Variants in FMNL1 observed in about 807,000 individuals in gnomAD.
The protein encoded by FMNL1 is formin-like protein 1.
In FMNL1, 43 loss-of-function variants were observed where a neutral mutation model predicts 121.3. That is an observed-to-expected ratio of 0.35 (90% CI 0.28 to 0.46). FMNL1 has a LOEUF of 0.46. Ranked by LOEUF, FMNL1 falls within the 20% of genes least tolerant of loss-of-function variation. The pLI is 1.00. For synonymous variants in FMNL1, 613 were observed against 613.5 expected, an observed-to-expected ratio of 1.00 and a Z score of 0.01; for missense variants, 1,191 against 1,482.4, an observed-to-expected ratio of 0.80 and a Z score of 3.23.
chr17:45,243,075 C>A, intron 16 of FMNL1, 43 bp from the exon 17 acceptor site: 1 of 1,605,828 alleles, frequency 6.2e-7, no homozygotes, highest in Non-Finnish European at 8.5e-7. Flanking sequence ...GAGTGCCAGA[C>A]CCCAGCCCCA....
intron 12 of FMNL1, chr17:45,240,928 C>A: frequency 1.4e-6 from 1 of 721,096 alleles, no homozygotes. Flanking sequence ...CTCCCTCCAC[C>A]TCCCGCATCA....
chr17:45,232,920 C>CT, intron 3 of FMNL1: 1 of 564,832 alleles, frequency 1.8e-6, no homozygotes, highest in Non-Finnish European at 3.4e-6. Context: ...TATGGATGTT[C>CT]ATGTGCTGTG....
At chr17:45,222,542 C>T (rs1001372925) in intron 1 of FMNL1, among the ~76,000 whole-genome samples, 16 of 152,094 alleles carry the variant, frequency 1.1e-4, no homozygotes, top group Admixed American at 3.9e-4. Context: ...AAGTTGGGAG[C>T]GGGGCACGCA....
intron 20 of FMNL1, 32 bp downstream of exon 20, chr17:45,244,931 G>A (rs2043794632): frequency 1.9e-6 from 3 of 1,612,702 alleles, no homozygotes; most frequent in Non-Finnish European, 8.5e-7. Flanking sequence ...GGGGACTGGG[G>A]CTGGGGACTG....
rs750316481 is a variant in FMNL1 at position 45,242,143 on chromosome 17, C to G, written c.1882C>G (p.Pro628Ala). 3.2e-6 allele frequency: 5 copies of G among 1,540,506 alleles called. No individual in the cohort carries two copies. The African/African-American group carries it at 6.9e-5, about 21-fold the overall frequency. ...ALGRRDSELG[P>A]GVKAKKPIQT... ...AGGAAGACGCGACTCAGAATTGGGC[C>G]CAGGTGAGTGGAGTGGACCACCTTG... Residue 628 changes from proline (P) to alanine (A), a missense_variant, in exon 15 of 27, where the codon CCA becomes GCA. This residue lies in a region of FMNL1 where 519 missense variants were observed against 492.8 expected (regional missense o/e 1.05). Coordinates refer to ENST00000331495, the MANE Select transcript of FMNL1 (RefSeq NM_005892.4).
chr17:45,232,534 G>C, intron 3 of FMNL1, 54 bp downstream of exon 3: 1 of 1,549,256 alleles, frequency 6.5e-7, no homozygotes, highest in Admixed American at 1.7e-5. Flanking sequence ...TCCAAGCTCT[G>C]GGCAGCTGGA....
chr17:45,232,789 C>T (rs547296580), intron 3 of FMNL1: 12 of 578,072 alleles, frequency 2.1e-5, no homozygotes, highest in South Asian at 2.0e-4. Context: ...TGTACTTTGT[C>T]CACTTATGGA....
In FMNL1 at chr17:45,240,789, A is replaced by G. The variant is rs1302738043; in HGVS notation, c.1230+164A>G. 2.9e-6 allele frequency: 3 copies of G among 1,037,162 alleles called. No homozygotes were observed. The African/African-American group carries it at 4.8e-5, about 17-fold the overall frequency. 64.2% of individuals were successfully genotyped at this position (1,037,162 alleles called of 1,614,324 possible). On this transcript the variant is annotated intron_variant, in intron 12 of 26. Coordinates refer to ENST00000331495, the MANE Select transcript of FMNL1 (RefSeq NM_005892.4). ...AGCCTGGCCTGAATCCAAAGCCTGA[A>G]TCTGTTGGGTGTCTTTCTCAATGAG...
At chr17:45,244,722 G>A (rs1435903361) in intron 19 of FMNL1, 97 bp from the exon 20 acceptor site, 4 of 1,289,512 alleles carry the variant, frequency 3.1e-6, no homozygotes, top group Non-Finnish European at 4.3e-6. Context: ...AGTGTGTGGG[G>A]CCTGCTCCTT....
At position 45,232,473 on chromosome 17, in the gene FMNL1, A is replaced by G. The variant is rs2043459216; in HGVS notation, c.320A>G (p.Asn107Ser). The G allele has an allele frequency of 2.5e-6, 4 of 1,613,806 alleles. No homozygotes were observed. The highest frequency in any genetic ancestry group is 1.3e-5 in the African/African-American group (1 of 74,880). Reference protein sequence around the residue: ...SRKVAADWMSNLGFKRRVQES... With the variant: ...SRKVAADWMSSLGFKRRVQES... ...AAGGTAGCAGCTGATTGGATGTCCA[A>G]CCTGGGGGTACATGTCTCCCCTCTT... Residue 107 changes from asparagine (N) to serine (S), a missense_variant, in exon 3 of 27, where the codon AAC (asparagine) becomes AGC (serine). By Grantham distance (46) the Asn-to-Ser change is conservative. Transcript: ENST00000331495.
intron 6 of FMNL1, among the ~76,000 whole-genome samples, 164 bp from the exon 7 acceptor site, chr17:45,235,972 T>C (rs1288224747): frequency 1.3e-5 from 2 of 152,188 alleles, no homozygotes; most frequent in Non-Finnish European, 2.9e-5. Flanking sequence ...GTCTAAGGAC[T>C]GAGGAAGCCT....
chr17:45,230,610 A>C lies in FMNL1; in HGVS notation c.136A>C (p.Met46Leu), dbSNP rs2043418491. ...EERFNRALNC[M>L]NLPPDKVQLL... is the part of the protein sequence containing the mutation. Reference sequence around the variant, plus strand: ...TTGTCCTCCCTGTCCCCAGAACTGCATGAACTTGCCCCCAGACAAGGTCCA... The same window carrying C: ...TTGTCCTCCCTGTCCCCAGAACTGCCTGAACTTGCCCCCAGACAAGGTCCA... The change falls in exon 2 of 27, where the codon ATG becomes CTG. Residue 46 changes from methionine to leucine, a missense_variant. Coordinates refer to ENST00000331495, the MANE Select transcript of FMNL1 (RefSeq NM_005892.4). 1 of 1,613,642 alleles carries C rather than the reference A, an allele frequency of 6.2e-7. No homozygotes were observed. The highest frequency in any genetic ancestry group is 8.5e-7 in the Non-Finnish European group (1 of 1,179,824).
Position 45,241,603 on chromosome 17 carries a change from T to G in FMNL1, c.1554T>G (p.Thr518=). Residue 518 remains threonine, a synonymous_variant, in exon 14 of 27, where the codon ACT becomes ACG. Transcript: ENST00000331495. This position sits in a 1 kb window ranked among gnomAD's most constrained non-coding sequence, Gnocchi z 7.0. ...VATPSGGDAP[T]PGVPTGSPSP... is the part of the protein sequence containing the mutation. ...CTCCGAGCGGCGGTGATGCTCCGAC[T>G]CCGGGGGTGCCGACCGGCTCCCCCA... 1 of 1,536,538 alleles carries G rather than the reference T, an allele frequency of 6.5e-7. No individual in the cohort carries two copies. The highest frequency in any genetic ancestry group is 1.4e-5 in the African/African-American group (1 of 73,356).
Position 45,242,066 on chromosome 17 carries a change from C to T in FMNL1, c.1805C>T (p.Pro602Leu), listed in dbSNP as rs1019213170. Reference sequence around the variant, plus strand: ...CCTCCGGGCACTGACGGGCCGGTGCCTCCGCCGCCGCCGCCGCCGCCGCCG... The same window carrying T: ...CCTCCGGGCACTGACGGGCCGGTGCTTCCGCCGCCGCCGCCGCCGCCGCCG... The part of the protein sequence containing the change: ...PPPPGTDGPV[P>L]PPPPPPPPPP... Residue 602 changes from proline (P) to leucine (L), a missense_variant, in exon 15 of 27, where the codon CCT (proline) becomes CTT (leucine). Coordinates refer to ENST00000331495, the MANE Select transcript of FMNL1 (RefSeq NM_005892.4). The T allele has an allele frequency of 1.9e-5, 28 of 1,485,440 alleles. No individual in the cohort carries two copies. The Admixed American group carries it at 4.1e-4, about 22-fold the overall frequency. The allele number at this position is 1,485,440 out of a possible 1,614,324, so 92.0% of individuals were successfully genotyped here.
intron 6 of FMNL1, 35 bp downstream of exon 6, chr17:45,234,235 A>G (rs765181550): frequency 1.9e-6 from 3 of 1,613,622 alleles, no homozygotes; most frequent in Non-Finnish European, 2.5e-6. Flanking sequence ...GTGGGAGAAC[A>G]GAGAATTCAG....
chr17:45,246,745 A>C, intron 26 of FMNL1, 122 bp from the exon 27 acceptor site: 1 of 825,268 alleles, frequency 1.2e-6, no homozygotes, highest in Non-Finnish European at 1.9e-6. Flanking sequence ...GCAAACATAA[A>C]CGGTACCCCT....
rs1285825977 is a variant in FMNL1, at chr17:45,233,842, C to T, written c.485+111C>T. 39 of 1,439,460 alleles carry T rather than the reference C, an allele frequency of 2.7e-5. No individual in the cohort carries two copies. 89.2% of individuals were successfully genotyped at this position (1,439,460 alleles called of 1,614,324 possible). The stretch of plus-strand genomic sequence containing the variant: ...TTCAAGCCAGGCAGCCCGAGCCTAC[C>T]CTGGAACCCTCCACTTGGCCTTGAG... On this transcript the variant is annotated intron_variant, in intron 5 of 26. Transcript: ENST00000331495. The surrounding 1 kb of genome is among the most constrained non-coding windows in gnomAD (Gnocchi z 4.1).
chr17:45,230,811 G>A, intron 2 of FMNL1, 124 bp downstream of exon 2: 1 of 1,015,480 alleles, frequency 9.8e-7, no homozygotes, highest in Non-Finnish European at 1.4e-6. Flanking sequence ...TCTGCTCAGT[G>A]GCCAATGTAG....
intron 11 of FMNL1, 60 bp from the exon 12 acceptor site, chr17:45,240,416 G>C (rs1176238449): frequency 5.4e-6 from 8 of 1,495,124 alleles, no homozygotes; most frequent in Non-Finnish European, 7.2e-6. Context: ...GGGTGGTTTG[G>C]AAAGACTCCC....
Sources: gnomAD v4.1 joint callset for allele counts (sites outside exome capture counted in the v4.1 genomes callset) on GRCh38, gnomAD v4.1.1 for gene constraint, gnomAD v4.1.1 regional missense constraint, Gnocchi (gnomAD v3.1) non-coding constraint, MANE v1.5 for transcripts, NCBI Gene and HGNC (gene_info 2026-07-23, HGNC 2026-07-21) for gene names.